Variants in ACTR3C observed in about 807,000 individuals in gnomAD.
ACTR3C encodes the protein actin-related protein 3C.
In ACTR3C, 18 loss-of-function variants were observed where a neutral mutation model predicts 26.3. The observed-to-expected ratio is 0.68, with a 90% CI of 0.47 to 1.01. The LOEUF is 1.01. Ranked by LOEUF, ACTR3C falls within the 50% of genes least tolerant of loss-of-function variation. The probability of loss-of-function intolerance (pLI) is 0.00; values close to 1 mark genes in which losing one functional copy is unlikely to be tolerated. For missense variants in ACTR3C, 184 were observed against 250.7 expected, an observed-to-expected ratio of 0.73 and a Z score of 1.80; for synonymous variants, 55 against 94.5, an observed-to-expected ratio of 0.58 and a Z score of 2.42.
Position 150,252,791 on chromosome 7 carries a change from T to C in ACTR3C, c.565-3737A>G, listed in dbSNP as rs369558935. ...TGTATTAAAAATAACATACTGGGAA[T>C]AGGATGTATCCTCGAATTAAATTGC... On this transcript the variant is annotated intron_variant, in intron 6 of 7. Coordinates refer to ENST00000683684, the MANE Select transcript of ACTR3C (RefSeq NM_001164458.2). 1.1e-3 allele frequency among the ~76,000 whole-genome samples: 165 copies of C among 152,370 alleles called. 2 individuals carry two copies. In the South Asian group the frequency reaches 0.034, roughly 31 times the overall value.
At chr7:149,938,004 G>A in the ACTR3C span, among the ~76,000 whole-genome samples, 1 of 152,174 alleles carries the variant, frequency 6.6e-6, no homozygotes, top group Non-Finnish European at 1.5e-5. Flanking sequence ...TTGCATGGAA[G>A]AGTGAGACAC....
At chr7:149,964,296 GAAGAC>G in the ACTR3C span, among the ~76,000 whole-genome samples, 1 of 152,214 alleles carries the variant, frequency 6.6e-6, no homozygotes, top group Non-Finnish European at 1.5e-5. Flanking sequence ...GAAACCCACT[GAAGAC>G]AAGAAAGATC....
the ACTR3C span, among the ~76,000 whole-genome samples, chr7:149,899,921 GC>G: frequency 1.5e-5 from 2 of 133,134 alleles, no homozygotes; most frequent in Admixed American, 7.7e-5. Context: ...AAAAAATTCA[GC>G]TTCCAAGGAC....
chr7:150,221,627 A>G, the ACTR3C span, among the ~76,000 whole-genome samples: 2 of 152,232 alleles, frequency 1.3e-5, no homozygotes, highest in Non-Finnish European at 2.9e-5. Flanking sequence ...TATAAATTGA[A>G]GGAAGAAGTT....
intron 6 of ACTR3C, among the ~76,000 whole-genome samples, chr7:150,250,421 T>TC (rs1832766832): frequency 6.6e-6 from 1 of 151,782 alleles, no homozygotes; most frequent in Non-Finnish European, 1.5e-5. Flanking sequence ...GCCAGGATGG[T>TC]CTTGACCTCC....
At chr7:150,299,332 T>C (rs1231435658) in intron 1 of ACTR3C, among the ~76,000 whole-genome samples, 1 of 150,848 alleles carries the variant, frequency 6.6e-6, no homozygotes, top group Non-Finnish European at 1.5e-5. Flanking sequence ...GTGCCTGTAG[T>C]CCCAGCTACT....
At chr7:150,198,403 G>A in the ACTR3C span, among the ~76,000 whole-genome samples, 41 of 146,314 alleles carry the variant, frequency 2.8e-4, 1 homozygote, top group Admixed American at 1.5e-3. Context: ...AGTGAGGAGC[G>A]CCTCTTCCCA....
At chr7:150,244,822 AC>A (rs1584812266), downstream of ACTR3C, 3 of 152,800 alleles carry the variant, frequency 2.0e-5, no homozygotes, top group East Asian at 5.7e-4. Context: ...AGGGAAGAGA[AC>A]CTGCTGATGC....
the ACTR3C span, among the ~76,000 whole-genome samples, chr7:149,887,938 C>T: frequency 2.6e-5 from 4 of 152,200 alleles, no homozygotes; most frequent in Admixed American, 2.6e-4. Context: ...GTGCCTTTTG[C>T]CTCCTGCCAT....
the ACTR3C span, among the ~76,000 whole-genome samples, chr7:150,038,203 C>T: frequency 1.4e-5 from 2 of 143,862 alleles, no homozygotes; most frequent in African/African-American, 5.3e-5. Context: ...TTATTTGCTT[C>T]TTGTACTAGC....
chr7:149,994,542 A>C, the ACTR3C span, among the ~76,000 whole-genome samples: 5 of 152,244 alleles, frequency 3.3e-5, no homozygotes, highest in South Asian at 1.0e-3. Flanking sequence ...GGTTGCAGTG[A>C]GCCGAGACTG....
chr7:149,982,708 T>C, the ACTR3C span, among the ~76,000 whole-genome samples: 25 of 152,000 alleles, frequency 1.6e-4, 1 homozygote, highest in Admixed American at 6.6e-5. Flanking sequence ...TGTAGGAGCA[T>C]CTTGTTACTG....
chr7:150,321,157 G>T (rs1156344322), intron 1 of ACTR3C, among the ~76,000 whole-genome samples: 1 of 152,114 alleles, frequency 6.6e-6, no homozygotes, highest in Non-Finnish European at 1.5e-5. Flanking sequence ...TAACCTTTAT[G>T]TGTCCTCTTA....
intron 4 of ACTR3C, 54 bp from the exon 5 acceptor site, chr7:150,286,594 G>A (rs150693647): frequency 0.019 from 30,472 of 1,587,426 alleles, 369 homozygotes; most frequent in Non-Finnish European, 0.022. Flanking sequence ...CAGTGTCTCT[G>A]CCCTCAGACA....
the ACTR3C span, chr7:150,041,376 C>G: frequency 1.6e-5 from 2 of 128,710 alleles, no homozygotes; most frequent in Admixed American, 7.5e-5. Flanking sequence ...CGTTCGGACC[C>G]GTCTGATCGT....
the ACTR3C span, among the ~76,000 whole-genome samples, chr7:150,219,682 C>T: frequency 7.2e-6 from 1 of 139,846 alleles, no homozygotes; most frequent in Admixed American, 6.7e-5. Context: ...ATTCCTTAGG[C>T]CGCCGCCCAC....
chr7:149,918,474 T>A, the ACTR3C span, among the ~76,000 whole-genome samples: 10 of 152,240 alleles, frequency 6.6e-5, no homozygotes, highest in African/African-American at 2.4e-4. Flanking sequence ...GCGGATCACC[T>A]GAGGTCGGGA....
chr7:150,208,171 C>T, the ACTR3C span, among the ~76,000 whole-genome samples: 851 of 152,216 alleles, frequency 5.6e-3, 8 homozygotes, highest in South Asian at 0.019. Context: ...CAGACTAAAG[C>T]GGATGACGGA....
At chr7:150,133,259 C>T in the ACTR3C span, among the ~76,000 whole-genome samples, 3 of 152,094 alleles carry the variant, frequency 2.0e-5, no homozygotes, top group East Asian at 1.9e-4. Context: ...GAAACACTCC[C>T]GAGGTCAGCT....
Sources: allele counts gnomAD v4.1 joint callset (sites outside exome capture counted in the v4.1 genomes callset), GRCh38; gene constraint gnomAD v4.1.1; transcripts MANE v1.5; gene names NCBI Gene and HGNC (gene_info 2026-07-23, HGNC 2026-07-21).